CAMK4: variants seen among roughly 807,000 people sequenced by gnomAD.
CAMK4 encodes calcium/calmodulin-dependent protein kinase type IV.
A neutral mutation model predicts 44.9 loss-of-function variants in CAMK4; 22 were observed. The ratio of observed to expected loss-of-function variants is 0.49; its 90% CI spans 0.35 to 0.70. The LOEUF (loss-of-function observed/expected upper bound fraction) is 0.70. Among genes scored for constraint, CAMK4 ranks in the 30% least tolerant of loss-of-function variants. CAMK4 has a pLI of 0.01. For synonymous variants in CAMK4, 218 were observed against 215.4 expected (o/e 1.01, Z -0.11); for missense variants, 498 against 586.8 (o/e 0.85, Z 1.56).
At chr5:111,387,348 A>T (rs940487718) in intron 4 of CAMK4, among the ~76,000 whole-genome samples, 3 of 152,222 alleles carry the variant, frequency 2.0e-5, no homozygotes, top group Non-Finnish European at 4.4e-5. Context: ...GCTAAATTGT[A>T]TAAAGAAATT....
At chr5:111,435,597 G>A (rs1003953070) in intron 5 of CAMK4, among the ~76,000 whole-genome samples, 2 of 152,148 alleles carry the variant, frequency 1.3e-5, no homozygotes, top group Admixed American at 1.3e-4. Context: ...GTTCTGCTTG[G>A]CCAGAGTGTG....
intron 6 of CAMK4, among the ~76,000 whole-genome samples, chr5:111,448,229 A>G (rs1754096584): frequency 1.3e-5 from 2 of 152,228 alleles, no homozygotes; most frequent in African/African-American, 4.8e-5. Context: ...AAATAAATAA[A>G]AAGGATTCTT....
At chr5:111,361,988 G>T (rs1454517120) in intron 2 of CAMK4, among the ~76,000 whole-genome samples, 1 of 151,996 alleles carries the variant, frequency 6.6e-6, no homozygotes, top group Non-Finnish European at 1.5e-5. Context: ...TGCAATTGTA[G>T]TGCCTTCTCT....
chr5:111,410,105 C>T (rs1214399535), intron 5 of CAMK4, among the ~76,000 whole-genome samples: 4 of 152,162 alleles, frequency 2.6e-5, no homozygotes, highest in Non-Finnish European at 5.9e-5. Flanking sequence ...GGTATCTTTA[C>T]AGAAGTGCCC....
chr5:111,224,568 G>C lies in CAMK4; in HGVS notation c.85G>C (p.Val29Leu), dbSNP rs768328095. The change falls in exon 1 of 11, where the codon GTC becomes CTC. Residue 29 changes from valine (V) to leucine (L), a missense_variant. Val to Leu is a conservative substitution (Grantham distance 32). Transcript: ENST00000282356. This position sits in a 1 kb window ranked among gnomAD's most constrained non-coding sequence, Gnocchi z 5.7. ...TGCGGCCCCGGGGACCGCGAGCCTC[G>C]TCCCGGATTACTGGATCGACGGCTC... ...ASAAPGTASL[V>L]PDYWIDGSNR... is the part of the protein sequence containing the mutation. 6.2e-7 allele frequency: 1 copy of C among 1,612,408 alleles called. No homozygotes were observed. The highest frequency in any genetic ancestry group is 8.5e-7 in the Non-Finnish European group (1 of 1,179,644).
At chr5:111,467,106 A>G (rs1025480738) in intron 7 of CAMK4, among the ~76,000 whole-genome samples, 3 of 152,140 alleles carry the variant, frequency 2.0e-5, no homozygotes, top group Admixed American at 6.5e-5. Context: ...CTATTCGACA[A>G]ATGGTGATGG....
intron 5 of CAMK4, among the ~76,000 whole-genome samples, chr5:111,403,943 A>G (rs1580707061): frequency 1.3e-5 from 2 of 152,302 alleles, no homozygotes; most frequent in African/African-American, 4.8e-5. Context: ...CGTTAACTTA[A>G]AAATCACTCA....
chr5:111,234,770 T>G (rs1748638304), intron 1 of CAMK4, among the ~76,000 whole-genome samples: 1 of 152,170 alleles, frequency 6.6e-6, no homozygotes, highest in Non-Finnish European at 1.5e-5. Context: ...TAAAGAAGGC[T>G]AGATTTGAGA....
chr5:111,329,263 C>A (rs1034797464), intron 1 of CAMK4, among the ~76,000 whole-genome samples: 1 of 151,834 alleles, frequency 6.6e-6, no homozygotes, highest in South Asian at 2.1e-4. Context: ...AAACCCACAG[C>A]CAATATCATA....
intron 1 of CAMK4, among the ~76,000 whole-genome samples, chr5:111,267,817 G>A (rs1423660813): frequency 6.6e-6 from 1 of 151,400 alleles, no homozygotes; most frequent in Non-Finnish European, 1.5e-5. Context: ...ACACTAATAT[G>A]ATCACCACGG....
chr5:111,282,646 TCTTA>T (rs937652645), intron 1 of CAMK4, among the ~76,000 whole-genome samples: 5 of 152,226 alleles, frequency 3.3e-5, no homozygotes, highest in African/African-American at 1.2e-4. Context: ...AGGTTACCAT[TCTTA>T]CTTAAGTTCT....
intron 1 of CAMK4, among the ~76,000 whole-genome samples, chr5:111,257,188 A>G (rs1159564313): frequency 1.3e-5 from 2 of 152,244 alleles, no homozygotes; most frequent in East Asian, 3.8e-4. Context: ...ACACAGCAAA[A>G]GAATCTGTTA....
At chr5:111,462,156 G>A (rs1754666730) in intron 7 of CAMK4, among the ~76,000 whole-genome samples, 1 of 152,134 alleles carries the variant, frequency 6.6e-6, no homozygotes, top group Non-Finnish European at 1.5e-5. Context: ...CCACTTGCAA[G>A]TCTATTCTCT....
intron 1 of CAMK4, among the ~76,000 whole-genome samples, chr5:111,292,410 T>A (rs965721130): frequency 6.6e-6 from 1 of 152,188 alleles, no homozygotes. Flanking sequence ...TATGTATGTG[T>A]ATATGTATGT....
At chr5:111,336,072 T>C (rs1157491783) in intron 1 of CAMK4, among the ~76,000 whole-genome samples, 1 of 151,362 alleles carries the variant, frequency 6.6e-6, no homozygotes, top group Non-Finnish European at 1.5e-5. Flanking sequence ...GCTCAAAGTA[T>C]TAGTTTCATT....
intron 1 of CAMK4, among the ~76,000 whole-genome samples, chr5:111,256,326 G>T (rs1250631135): frequency 6.6e-6 from 1 of 152,162 alleles, no homozygotes; most frequent in African/African-American, 2.4e-5. Flanking sequence ...AGGAACATGA[G>T]TGATACTATT....
chr5:111,471,205 A>G (rs1193694510), intron 7 of CAMK4, among the ~76,000 whole-genome samples: 1 of 151,880 alleles, frequency 6.6e-6, no homozygotes, highest in Non-Finnish European at 1.5e-5. Flanking sequence ...GTTGTCACCC[A>G]TCGAGTGAAA....
chr5:111,406,970 A>C (rs1431875518), intron 5 of CAMK4, among the ~76,000 whole-genome samples: 1 of 152,242 alleles, frequency 6.6e-6, no homozygotes, highest in Non-Finnish European at 1.5e-5. Context: ...CAGTTGATTT[A>C]ATTCTCAGAA....
chr5:111,379,010 G>T (rs966141988), intron 4 of CAMK4, among the ~76,000 whole-genome samples: 1 of 151,702 alleles, frequency 6.6e-6, no homozygotes, highest in East Asian at 1.9e-4. Context: ...CTTTTTTATG[G>T]ATGTATTCCT....
Sources: gnomAD v4.1 joint callset for allele counts (sites outside exome capture counted in the v4.1 genomes callset) on GRCh38, gnomAD v4.1.1 for gene constraint, Gnocchi (gnomAD v3.1) non-coding constraint, MANE v1.5 for transcripts, NCBI Gene and HGNC (gene_info 2026-07-23, HGNC 2026-07-21) for gene names.